Variants in AKAP19 observed in about 807,000 individuals in gnomAD.
The protein encoded by AKAP19 is A-kinase anchoring protein 19, also known as small A-kinase anchoring protein.
At chr2:189,959,556 A>G in the AKAP19 span, among the ~76,000 whole-genome samples, 1 of 152,136 alleles carries the variant, frequency 6.6e-6, no homozygotes, top group Non-Finnish European at 1.5e-5. Flanking sequence ...AAATACTGAT[A>G]TTTTTCAAAA....
chr2:190,187,409 C>CTT, the AKAP19 span, among the ~76,000 whole-genome samples: 1,498 of 131,258 alleles, frequency 0.011, 40 homozygotes, highest in African/African-American at 0.04. Context: ...TTAGAAGTTA[C>CTT]TTTTTTTTTT....
At chr2:189,960,702 A>G in the AKAP19 span, among the ~76,000 whole-genome samples, 1 of 152,122 alleles carries the variant, frequency 6.6e-6, no homozygotes, top group African/African-American at 2.4e-5. Flanking sequence ...TTAAAGATGT[A>G]CACAGATGCA....
chr2:190,039,004 T>TTCTTCC, the AKAP19 span, among the ~76,000 whole-genome samples: 4,231 of 117,782 alleles, frequency 0.036, 442 homozygotes, highest in African/African-American at 0.19. Flanking sequence ...TCTTCTCTTC[T>TTCTTCC]TCTTCCTCTT....
the AKAP19 span, among the ~76,000 whole-genome samples, chr2:190,153,948 A>G: frequency 6.6e-6 from 1 of 152,112 alleles, no homozygotes; most frequent in African/African-American, 2.4e-5. Flanking sequence ...AGCATTACCT[A>G]CTCTCTAAAG....
At chr2:190,066,872 G>C in the AKAP19 span, among the ~76,000 whole-genome samples, 1 of 152,048 alleles carries the variant, frequency 6.6e-6, no homozygotes. Flanking sequence ...TTTGTACCTG[G>C]CACTATGCTA....
At chr2:190,022,875 G>T in the AKAP19 span, among the ~76,000 whole-genome samples, 1 of 151,990 alleles carries the variant, frequency 6.6e-6, no homozygotes, top group African/African-American at 2.4e-5. Flanking sequence ...CATTATGCTG[G>T]TTCTAGGTAA....
the AKAP19 span, among the ~76,000 whole-genome samples, chr2:190,083,034 C>T: frequency 8.5e-5 from 13 of 152,290 alleles, no homozygotes; most frequent in Admixed American, 8.5e-4. Flanking sequence ...GGCTATTTAA[C>T]ATATGTATTA....
At chr2:190,151,333 G>A in the AKAP19 span, among the ~76,000 whole-genome samples, 3 of 152,264 alleles carry the variant, frequency 2.0e-5, no homozygotes, top group South Asian at 2.1e-4. Context: ...AGCTCCGCAT[G>A]CGTTAGCTAT....
At chr2:190,010,384 T>TGA in the AKAP19 span, among the ~76,000 whole-genome samples, 8 of 152,100 alleles carry the variant, frequency 5.3e-5, no homozygotes, top group African/African-American at 1.9e-4. Flanking sequence ...TGCTATGACT[T>TGA]GAGAGATACA....
At chr2:190,192,386 AATT>A in the AKAP19 span, among the ~76,000 whole-genome samples, 1 of 151,372 alleles carries the variant, frequency 6.6e-6, no homozygotes, top group Non-Finnish European at 1.5e-5. Context: ...GAGTACTCCA[AATT>A]ATTGTTCTTT....
the AKAP19 span, among the ~76,000 whole-genome samples, chr2:189,936,257 G>GAC: frequency 1.8e-5 from 1 of 54,278 alleles, no homozygotes; most frequent in Admixed American, 2.7e-4. Context: ...TAGACTTGTT[G>GAC]ATACACACAC....
chr2:189,975,449 A>G, the AKAP19 span, among the ~76,000 whole-genome samples: 2 of 152,054 alleles, frequency 1.3e-5, no homozygotes, highest in African/African-American at 4.8e-5. Context: ...GAATCTGACA[A>G]TTATGTGTCT....
At chr2:189,975,033 C>G in the AKAP19 span, among the ~76,000 whole-genome samples, 1 of 152,110 alleles carries the variant, frequency 6.6e-6, no homozygotes, top group Non-Finnish European at 1.5e-5. Context: ...ATGATATTAG[C>G]TGGTTATTTT....
chr2:189,916,512 G>A, the AKAP19 span, among the ~76,000 whole-genome samples: 2 of 151,828 alleles, frequency 1.3e-5, no homozygotes, highest in African/African-American at 4.8e-5. Flanking sequence ...AGTAGAGATG[G>A]GGTTTCACTA....
At chr2:189,969,888 T>C in the AKAP19 span, among the ~76,000 whole-genome samples, 1 of 146,242 alleles carries the variant, frequency 6.8e-6, no homozygotes, top group African/African-American at 2.6e-5. Context: ...TTTTTTTTTT[T>C]TGAGACAGGG....
chr2:189,884,626 A>G, the AKAP19 span, among the ~76,000 whole-genome samples: 1 of 152,224 alleles, frequency 6.6e-6, no homozygotes, highest in South Asian at 2.1e-4. Context: ...CCATAAAAAA[A>G]TAAAATAAAA....
At chr2:190,081,359 C>T in the AKAP19 span, among the ~76,000 whole-genome samples, 101 of 152,238 alleles carry the variant, frequency 6.6e-4, no homozygotes, top group Admixed American at 1.2e-3. Context: ...TAACCCATGC[C>T]TTTCCTCTCC....
At chr2:190,033,391 G>A in the AKAP19 span, among the ~76,000 whole-genome samples, 3 of 152,168 alleles carry the variant, frequency 2.0e-5, no homozygotes, top group South Asian at 2.1e-4. Flanking sequence ...ACGTGTCTGC[G>A]TATAGGCAAA....
At chr2:189,921,668 C>T in the AKAP19 span, among the ~76,000 whole-genome samples, 2 of 152,002 alleles carry the variant, frequency 1.3e-5, no homozygotes, top group Admixed American at 1.3e-4. Flanking sequence ...GGGAATGTTT[C>T]AATAGAGAGG....
Sources: allele counts gnomAD v4.1 joint callset (sites outside exome capture counted in the v4.1 genomes callset), GRCh38; gene constraint gnomAD v4.1.1; transcripts MANE v1.5; gene names NCBI Gene and HGNC (gene_info 2026-07-23, HGNC 2026-07-21).